The following COL19A1 variants were observed in gnomAD, a reference collection of about 807,000 sequenced individuals.
COL19A1 encodes the protein collagen alpha-1(XIX) chain.
Under a neutral mutation model 190.2 loss-of-function variants are expected in COL19A1, and 159 were observed. The ratio of observed to expected loss-of-function variants is 0.84; its 90% CI spans 0.73 to 0.95. The LOEUF (loss-of-function observed/expected upper bound fraction) is 0.95, where lower values mean the gene tolerates loss of function less well. Among genes scored for constraint, COL19A1 ranks in the 40% least tolerant of loss-of-function variants. The probability of loss-of-function intolerance (pLI) is 0.00; values close to 1 mark genes in which losing one functional copy is unlikely to be tolerated. For synonymous variants in COL19A1, 509 were observed against 458.9 expected (o/e 1.11, Z -1.39); for missense variants, 1,418 against 1,431.9 (o/e 0.99, Z 0.16).
intron 2 of COL19A1, among the ~76,000 whole-genome samples, chr6:69,881,108 C>A (rs1213963003): frequency 6.6e-6 from 1 of 152,142 alleles, no homozygotes; most frequent in Non-Finnish European, 1.5e-5. Context: ...ATTCCTGAGA[C>A]CTCCTATCGC....
At position 69,960,029 on chromosome 6, in the gene COL19A1, C is replaced by G. The variant is rs142222422; in HGVS notation, c.970C>G (p.Pro324Ala). The G allele has an allele frequency of 1.2e-5, 20 of 1,612,824 alleles. No homozygotes were observed. The African/African-American group carries it at 2.3e-4, about 18-fold the overall frequency. Residue 324 changes from proline (P) to alanine (A), a missense_variant, in exon 10 of 51, where the codon CCT (proline) becomes GCT (alanine). Physicochemically the swap from Pro to Ala is conservative, Grantham distance 27. Transcript: ENST00000620364. The part of the protein sequence containing the change: ...ENGLHGAPGF[P>A]GQKGEQGFEG... ...TGGTTTACATGGTGCTCCAGGATTC[C>G]CTGGTCAAAAGGTAAAGAGTTCTTG...
intron 48 of COL19A1, among the ~76,000 whole-genome samples, chr6:70,193,282 A>G (rs1188023583): frequency 6.6e-6 from 1 of 152,122 alleles, no homozygotes; most frequent in African/African-American, 2.4e-5. Flanking sequence ...GGCTACTCTC[A>G]TGAAGGGCTA....
At chr6:70,122,746 C>T (rs541065107) in intron 17 of COL19A1, among the ~76,000 whole-genome samples, 1 of 152,170 alleles carries the variant, frequency 6.6e-6, no homozygotes, top group African/African-American at 2.4e-5. Flanking sequence ...TTTTTTCTGA[C>T]AGCTGTTACT....
intron 7 of COL19A1, 36 bp from the exon 8 acceptor site, chr6:69,936,749 T>C: frequency 6.2e-7 from 1 of 1,608,924 alleles, no homozygotes; most frequent in Non-Finnish European, 8.5e-7. Flanking sequence ...TGTTTGGAAT[T>C]GACCCCATTT....
In COL19A1 at chr6:70,131,412, C is replaced by T. The variant is rs148818145; in HGVS notation, c.1383+1189C>T. On this transcript the variant is annotated intron_variant, in intron 18 of 50. Transcript: ENST00000620364. Reference sequence around the variant, plus strand: ...AAGTTACTGCTAAAAGATAGTCTCACCAGAAACTAGGAGCTTCTTACAGAT... The same window carrying T: ...AAGTTACTGCTAAAAGATAGTCTCATCAGAAACTAGGAGCTTCTTACAGAT... Among the ~76,000 whole-genome samples the T allele has an allele frequency of 3.0e-4, 46 of 152,144 alleles. No homozygotes were observed. The East Asian group carries it at 4.2e-3, about 14-fold the overall frequency.
At chr6:70,033,071 T>A (rs746294086) in intron 12 of COL19A1, among the ~76,000 whole-genome samples, 1 of 152,182 alleles carries the variant, frequency 6.6e-6, no homozygotes, top group African/African-American at 2.4e-5. Context: ...AAATAATAAC[T>A]ATGAGTTTTA....
chr6:70,158,413 T>C (rs1355858471), intron 34 of COL19A1, among the ~76,000 whole-genome samples: 1 of 152,052 alleles, frequency 6.6e-6, no homozygotes, highest in Non-Finnish European at 1.5e-5. Context: ...GTACTCTAAG[T>C]GGAAAAGATA....
At chr6:70,151,464 A>G (rs1473629562) in intron 31 of COL19A1, 26 bp downstream of exon 31, 1 of 1,607,162 alleles carries the variant, frequency 6.2e-7, no homozygotes, top group East Asian at 2.2e-5. Flanking sequence ...GTAAGAAATT[A>G]TGTGTTAATT....
At chr6:70,130,672 T>G (rs533844002) in intron 18 of COL19A1, among the ~76,000 whole-genome samples, 352 of 152,360 alleles carry the variant, frequency 2.3e-3, no homozygotes, top group Non-Finnish European at 3.8e-3. Flanking sequence ...TCCGCCTGCC[T>G]CCTGACCAGG....
At chr6:69,912,845 T>C (rs1215013410) in intron 4 of COL19A1, among the ~76,000 whole-genome samples, 1 of 152,150 alleles carries the variant, frequency 6.6e-6, no homozygotes, top group Non-Finnish European at 1.5e-5. Context: ...CCTAGCACTT[T>C]GGGAGGCCAA....
chr6:70,186,481 T>C (rs947129291), intron 46 of COL19A1, among the ~76,000 whole-genome samples: 3 of 152,226 alleles, frequency 2.0e-5, no homozygotes, highest in African/African-American at 7.2e-5. Flanking sequence ...TATTTCCATA[T>C]CTGATTCTAT....
In COL19A1 at chr6:69,970,742, T is replaced by C. The variant is rs74642537; in HGVS notation, c.1026+7872T>C. 8.1e-3 allele frequency among the ~76,000 whole-genome samples: 1,231 copies of C among 152,328 alleles called. 17 individuals are homozygous for C. The highest frequency in any genetic ancestry group is 0.026 in the African/African-American group (1,071 of 41,580). On this transcript the variant is annotated intron_variant, in intron 11 of 50. Transcript: ENST00000620364. ...AACATCAGCGTGTTATACAATTGTT[T>C]CCTTTACCCTAGTAACATGTAAACT...
chr6:69,916,476 A>G (rs759256045), intron 4 of COL19A1, among the ~76,000 whole-genome samples: 2 of 152,192 alleles, frequency 1.3e-5, no homozygotes, highest in Non-Finnish European at 2.9e-5. Context: ...CCAAAATCCA[A>G]TAGGCAGTAA....
At chr6:70,188,330 CAAAT>C (rs1261482150) in intron 47 of COL19A1, 85 bp downstream of exon 47, 26 of 1,433,660 alleles carry the variant, frequency 1.8e-5, no homozygotes, top group Non-Finnish European at 2.4e-5. Flanking sequence ...TACTGCCTTT[CAAAT>C]AAATAAAACA....
intron 41 of COL19A1, among the ~76,000 whole-genome samples, chr6:70,175,815 G>T (rs1765765346): frequency 6.6e-6 from 1 of 152,056 alleles, no homozygotes; most frequent in African/African-American, 2.4e-5. Context: ...TTACAACATT[G>T]TCTTGCTCTC....
intron 2 of COL19A1, among the ~76,000 whole-genome samples, chr6:69,895,026 C>A (rs1582311239): frequency 6.6e-6 from 1 of 152,250 alleles, no homozygotes. Flanking sequence ...ATTCCTCCAC[C>A]AGGGAGAAAA....
intron 41 of COL19A1, among the ~76,000 whole-genome samples, chr6:70,175,933 A>G (rs1765774802): frequency 6.6e-6 from 1 of 152,166 alleles, no homozygotes; most frequent in South Asian, 2.1e-4. Flanking sequence ...TTATTATCCC[A>G]TATATATAGT....
intron 11 of COL19A1, among the ~76,000 whole-genome samples, chr6:69,978,036 T>A (rs1473628236): frequency 6.6e-6 from 1 of 152,130 alleles, no homozygotes; most frequent in African/African-American, 2.4e-5. Context: ...GTCACAAGAA[T>A]CCCCAGAGAT....
chr6:69,900,160 T>G, intron 3 of COL19A1, 79 bp from the exon 4 acceptor site: 1 of 865,142 alleles, frequency 1.2e-6, no homozygotes, highest in Non-Finnish European at 1.7e-6. Context: ...AATTAATAGA[T>G]AAGGGCAACA....
Sources: allele counts gnomAD v4.1 joint callset (sites outside exome capture counted in the v4.1 genomes callset), GRCh38; gene constraint gnomAD v4.1.1; transcripts MANE v1.5; gene names NCBI Gene and HGNC (gene_info 2026-07-23, HGNC 2026-07-21).